HAT1: variants seen among roughly 807,000 people sequenced by gnomAD.
HAT1 encodes histone acetyltransferase 1.
Under a neutral mutation model 56.6 loss-of-function variants are expected in HAT1, and 20 were observed. The observed-to-expected ratio is 0.35, with a 90% confidence interval of 0.25 to 0.51. HAT1 has a LOEUF of 0.51. Ranked by LOEUF, HAT1 falls within the 20% of genes least tolerant of loss-of-function variation. The pLI is 0.95. For synonymous variants in HAT1, 146 were observed against 165.5 expected (o/e 0.88, Z 0.91); for missense variants, 408 against 504.3 (o/e 0.81, Z 1.83).
chr2:171,934,850 A>T (rs746855605), intron 2 of HAT1, among the ~76,000 whole-genome samples: 1 of 140,846 alleles, frequency 7.1e-6, no homozygotes, highest in Non-Finnish European at 1.5e-5. Context: ...CCGCCTCTGG[A>T]GTTCAAGTGC....
rs141219661 is a variant in HAT1 at position 171,966,887 on chromosome 2, C to G, written c.761C>G (p.Ala254Gly). The G allele has an allele frequency of 5.6e-5, 89 of 1,595,306 alleles. No individual in the cohort carries two copies. The African/African-American group carries it at 1.2e-3, about 21-fold the overall frequency. Residue 254 changes from alanine (A) to glycine (G), a missense_variant, in exon 8 of 11, where the codon GCT becomes GGT. Physicochemically the swap from Ala to Gly is moderately conservative, Grantham distance 60 (BLOSUM62 0). Transcript: ENST00000264108. Reference sequence around the variant, plus strand: ...CCATTTCAAGGTCAAGGCCATGGTGCTCAACTTCTTGAAACAGTTCATAGA... The same window carrying G: ...CCATTTCAAGGTCAAGGCCATGGTGGTCAACTTCTTGAAACAGTTCATAGA... ...LTPFQGQGHG[A>G]QLLETVHRYY...
chr2:171,975,912 A>G (rs1687949632), intron 8 of HAT1, among the ~76,000 whole-genome samples: 1 of 148,896 alleles, frequency 6.7e-6, no homozygotes, highest in South Asian at 2.2e-4. Flanking sequence ...GCCCTTCCTT[A>G]TCTAGTTAAG....
intron 9 of HAT1, among the ~76,000 whole-genome samples, chr2:171,977,551 ATATATATTTT>A (rs1259160098): frequency 1.5e-4 from 2 of 13,430 alleles, no homozygotes; most frequent in African/African-American, 3.0e-4. Context: ...ATATATATAT[ATATATATTTT>A]TTTTTTTTTT....
chr2:171,932,430 C>T (rs1363276330), intron 2 of HAT1, among the ~76,000 whole-genome samples: 1 of 152,164 alleles, frequency 6.6e-6, no homozygotes, highest in African/African-American at 2.4e-5. Context: ...TTTAACTATA[C>T]ATCTAATAAA....
intron 1 of HAT1, among the ~76,000 whole-genome samples, chr2:171,925,191 G>A (rs1686555035): frequency 6.7e-6 from 1 of 150,186 alleles, no homozygotes; most frequent in Admixed American, 6.7e-5. Context: ...TCCTGCCTCA[G>A]CCTCCCAAGT....
intron 8 of HAT1, among the ~76,000 whole-genome samples, chr2:171,973,894 C>T (rs1389113796): frequency 1.3e-5 from 2 of 151,996 alleles, no homozygotes; most frequent in Non-Finnish European, 2.9e-5. Flanking sequence ...TATGAAATGT[C>T]TTGGGCCAGG....
chr2:171,928,103 T>C (rs531573117), intron 2 of HAT1, among the ~76,000 whole-genome samples: 1 of 151,858 alleles, frequency 6.6e-6, no homozygotes, highest in East Asian at 2.0e-4. Flanking sequence ...CAGACTGGTC[T>C]CGAACTCCTG....
At chr2:171,958,087 C>T (rs927360164) in intron 4 of HAT1, among the ~76,000 whole-genome samples, 1 of 152,106 alleles carries the variant, frequency 6.6e-6, no homozygotes, top group African/African-American at 2.4e-5. Flanking sequence ...AACCTCCTCT[C>T]ATTACTGGAA....
At chr2:171,980,475 C>T (rs1688105012) in intron 10 of HAT1, 1 of 152,100 alleles carries the variant, frequency 6.6e-6, no homozygotes, top group Non-Finnish European at 1.5e-5. Context: ...TCGTCATCTT[C>T]CATATTTTCC....
chr2:171,934,802 C>A (rs1302504338), intron 2 of HAT1, among the ~76,000 whole-genome samples: 1 of 133,548 alleles, frequency 7.5e-6, no homozygotes, highest in Non-Finnish European at 1.5e-5. Context: ...GTCATCCGGG[C>A]TGGAGTGCAA....
chr2:171,955,589 G>A (rs376860686), intron 4 of HAT1, among the ~76,000 whole-genome samples: 3 of 151,268 alleles, frequency 2.0e-5, no homozygotes, highest in East Asian at 3.9e-4. Flanking sequence ...CACTCCAGCC[G>A]GGGCAACAAA....
chr2:171,949,216 TG>T (rs1442824025), intron 3 of HAT1, among the ~76,000 whole-genome samples: 3 of 152,118 alleles, frequency 2.0e-5, no homozygotes, highest in Admixed American at 2.0e-4. Context: ...TGCTTTTTTT[TG>T]TTTTTGTTTT....
intron 4 of HAT1, among the ~76,000 whole-genome samples, chr2:171,961,670 A>G (rs1687577314): frequency 6.6e-6 from 1 of 152,208 alleles, no homozygotes; most frequent in African/African-American, 2.4e-5. Flanking sequence ...ATGAAATATC[A>G]TAAAGAGCTT....
chr2:171,969,024 AT>A (rs1200967577), intron 8 of HAT1, among the ~76,000 whole-genome samples: 1 of 152,042 alleles, frequency 6.6e-6, no homozygotes, highest in Non-Finnish European at 1.5e-5. Context: ...ACCCATTTTC[AT>A]TTTTTTGCAC....
At chr2:171,945,316 C>G (rs1443542694) in intron 2 of HAT1, among the ~76,000 whole-genome samples, 1 of 151,988 alleles carries the variant, frequency 6.6e-6, no homozygotes, top group African/African-American at 2.4e-5. Context: ...GATACCCATT[C>G]CATCTTAGAT....
chr2:171,944,035 A>C (rs566434891), intron 2 of HAT1, among the ~76,000 whole-genome samples: 1 of 152,020 alleles, frequency 6.6e-6, no homozygotes, highest in South Asian at 2.1e-4. Context: ...AGTCTCAGCT[A>C]CTTTAAAGGC....
chr2:171,955,347 C>T (rs990452284), intron 4 of HAT1, among the ~76,000 whole-genome samples: 1 of 152,184 alleles, frequency 6.6e-6, no homozygotes, highest in Admixed American at 6.5e-5. Flanking sequence ...CGCAGTGGCT[C>T]ATGCCTGTAA....
chr2:171,974,963 G>A (rs1209289397), intron 8 of HAT1, among the ~76,000 whole-genome samples: 2 of 151,898 alleles, frequency 1.3e-5, no homozygotes, highest in African/African-American at 4.8e-5. Flanking sequence ...TGCCAGATTT[G>A]GTTTGCTAAT....
At chr2:171,973,115 C>T (rs1201401448) in intron 8 of HAT1, among the ~76,000 whole-genome samples, 1 of 152,108 alleles carries the variant, frequency 6.6e-6, no homozygotes, top group East Asian at 1.9e-4. Context: ...CACTTGCAGC[C>T]TCCATTCTCC....
Sources: allele counts gnomAD v4.1 joint callset (sites outside exome capture counted in the v4.1 genomes callset), GRCh38; gene constraint gnomAD v4.1.1; transcripts MANE v1.5; gene names NCBI Gene and HGNC (gene_info 2026-07-23, HGNC 2026-07-21).